Variants in SMARCA4 observed in about 807,000 individuals in gnomAD.
The protein encoded by SMARCA4 is SWI/SNF related BAF chromatin remodeling complex subunit ATPase 4.
SMARCA4 carries 31 observed loss-of-function variants against 193.9 expected under a neutral mutation model. The ratio of observed to expected loss-of-function variants is 0.16; its 90% CI spans 0.12 to 0.22. The LOEUF is 0.22. Among genes scored for constraint, SMARCA4 ranks in the 10% least tolerant of loss-of-function variants. The probability of loss-of-function intolerance (pLI) is 1.00; values close to 1 mark genes in which losing one functional copy is unlikely to be tolerated. For missense variants in SMARCA4, 1,148 were observed against 2,296.0 expected (o/e 0.50, Z 10.22); for synonymous variants, 942 against 933.1 (o/e 1.01, Z -0.17).
chr19:10,981,949 C>A (rs1017709558), intron 1 of SMARCA4, among the ~76,000 whole-genome samples: 2 of 152,094 alleles, frequency 1.3e-5, no homozygotes, highest in Non-Finnish European at 2.9e-5. Flanking sequence ...GATGGCTCCA[C>A]TGCACTCCAG....
At chr19:11,000,621 C>A (rs2087540678) in intron 11 of SMARCA4, among the ~76,000 whole-genome samples, 1 of 152,070 alleles carries the variant, frequency 6.6e-6, no homozygotes, top group Non-Finnish European at 1.5e-5. Flanking sequence ...TGGCTCACAT[C>A]TGTAATCCCA....
Position 11,036,505 on chromosome 19 carries a change from C to T in SMARCA4, c.4170+1373C>T, listed in dbSNP as rs374614952. 1.1e-4 allele frequency among the ~76,000 whole-genome samples: 16 copies of T among 152,258 alleles called. No homozygotes were observed. In the South Asian group the frequency reaches 1.7e-3, roughly 16 times the overall value. ...AACTCCTGGGCTCAAACAATCCACC[C>T]GCCTCGGCCTGCAGAGTAGCTGGGA... On this transcript the variant is annotated intron_variant, in intron 29 of 34. Transcript: ENST00000344626.
At position 10,987,537 on chromosome 19, in the gene SMARCA4, G is replaced by C. The variant is rs2086161992; in HGVS notation, c.860-129G>C. The C allele has an allele frequency of 9.6e-7, 1 of 1,042,888 alleles. No homozygotes were observed. The highest frequency in any genetic ancestry group is 1.5e-6 in the Non-Finnish European group (1 of 683,950). 64.6% of individuals were successfully genotyped at this position (1,042,888 alleles called of 1,614,324 possible). On this transcript the variant is annotated intron_variant, in intron 5 of 34. Transcript: ENST00000344626. This position sits in a 1 kb window ranked among gnomAD's most constrained non-coding sequence, Gnocchi z 5.3. ...AAGGCAGGTGTGAAGGACACCCCTG[G>C]GTGAAAGGTGGGAGATGGGCGGGGT...
At chr19:11,028,997 A>T (rs911839518) in intron 24 of SMARCA4, among the ~76,000 whole-genome samples, 1 of 152,000 alleles carries the variant, frequency 6.6e-6, no homozygotes, top group African/African-American at 2.4e-5. Context: ...TGCTGGGCCA[A>T]CCTGCCCAGG....
At chr19:11,015,732 C>T (rs975207029) in intron 16 of SMARCA4, among the ~76,000 whole-genome samples, 2 of 152,092 alleles carry the variant, frequency 1.3e-5, no homozygotes, top group African/African-American at 2.4e-5. Context: ...TTTAGCTGGG[C>T]GCGGTGGCTC....
intron 14 of SMARCA4, 52 bp downstream of exon 14, chr19:11,008,075 C>T (rs1430305131): frequency 6.3e-7 from 1 of 1,590,336 alleles, no homozygotes; most frequent in African/African-American, 1.3e-5. Context: ...TGAGGTGGCG[C>T]TGGTGGGAGT....
At position 11,053,867 on chromosome 19, in the gene SMARCA4, C is replaced by T. The variant is rs1210409558; in HGVS notation, c.4425-4388C>T. Among the ~76,000 whole-genome samples, 3 of 152,262 alleles carry T rather than the reference C, an allele frequency of 2.0e-5. No homozygotes were observed. In the East Asian group the frequency reaches 5.8e-4, roughly 29 times the overall value. ...TGGAGGCTTCAGTGAGCTAGGATGG[C>T]ACCACTGCACTCTAGCCTGGGCAAC... On this transcript the variant is annotated intron_variant, in intron 30 of 34. Transcript: ENST00000344626.
intron 29 of SMARCA4, chr19:11,040,474 C>T (rs1005247488): frequency 6.6e-6 from 1 of 151,452 alleles, no homozygotes; most frequent in Non-Finnish European, 1.5e-5. Context: ...CGCCTGTAAT[C>T]CCAGCTACTC....
intron 30 of SMARCA4, among the ~76,000 whole-genome samples, chr19:11,056,966 A>G (rs2076580721): frequency 6.6e-6 from 1 of 152,260 alleles, no homozygotes; most frequent in Non-Finnish European, 1.5e-5. Flanking sequence ...GGGGCCAGCC[A>G]GTGGCATGGG....
At chr19:11,025,855 G>A (rs1295981303) in intron 22 of SMARCA4, among the ~76,000 whole-genome samples, 3 of 152,154 alleles carry the variant, frequency 2.0e-5, no homozygotes, top group Non-Finnish European at 4.4e-5. Flanking sequence ...AGTCACCACC[G>A]TCTTCAGTGA....
At chr19:11,060,365 A>G (rs2076797257) in intron 34 of SMARCA4, 178 bp downstream of exon 34, 1 of 769,198 alleles carries the variant, frequency 1.3e-6, no homozygotes. Context: ...CAGGGCTGCC[A>G]CTCAAAGCCA....
intron 14 of SMARCA4, among the ~76,000 whole-genome samples, chr19:11,009,178 C>G (rs1268299755): frequency 6.6e-6 from 1 of 151,528 alleles, no homozygotes; most frequent in Admixed American, 6.6e-5. Flanking sequence ...CGGGCCACCA[C>G]GTCCAGCTAA....
rs529963526 is a variant in SMARCA4, at chr19:11,017,479, C to T, written c.2439-1478C>T. 7.2e-5 allele frequency among the ~76,000 whole-genome samples: 11 copies of T among 152,360 alleles called. No individual in the cohort carries two copies. In the South Asian group the frequency reaches 1.4e-3, roughly 20 times the overall value. On this transcript the variant is annotated intron_variant, in intron 16 of 34. Transcript: ENST00000344626. ...CTCCTGCAGGCCAGAAGAGGGCCCGCGCGCTAGGAAATGTTTACGGCGTAT... is the reference window on the plus strand; with the variant it reads ...CTCCTGCAGGCCAGAAGAGGGCCCGTGCGCTAGGAAATGTTTACGGCGTAT...
rs2145781120 is a variant in SMARCA4 at position 10,986,464 on chromosome 19, C to G, written c.631C>G (p.Pro211Ala). ...QMAVQGKRPM[P>A]GMQQQMPTLP... Reference sequence around the variant, plus strand: ...GGCGGTGCAGGGCAAGCGGCCGATGCCCGGGATGCAGCAGCAGATGCCAAC... The same window carrying G: ...GGCGGTGCAGGGCAAGCGGCCGATGGCCGGGATGCAGCAGCAGATGCCAAC... Residue 211 changes from proline to alanine, a missense_variant, in exon 4 of 35, where the codon CCC (proline) becomes GCC (alanine). Pro to Ala is a conservative substitution (Grantham distance 27). Transcript: ENST00000344626. The surrounding 1 kb of genome is among the most constrained non-coding windows in gnomAD (Gnocchi z 6.7). The G allele has an allele frequency of 2.6e-6, 4 of 1,556,890 alleles. No homozygotes were observed. The highest frequency in any genetic ancestry group is 1.4e-5 in the African/African-American group (1 of 73,546).
chr19:11,013,365 G>C (rs978535298), intron 16 of SMARCA4, among the ~76,000 whole-genome samples: 10 of 152,200 alleles, frequency 6.6e-5, no homozygotes, highest in Non-Finnish European at 1.5e-4. Flanking sequence ...GCGTGTCTGT[G>C]TCCTCATCTC....
rs1045648175 is a variant in SMARCA4 at position 11,045,437 on chromosome 19, G to A, written c.4424+3877G>A. Among the ~76,000 whole-genome samples the A allele has an allele frequency of 3.3e-5, 5 of 152,318 alleles. No homozygotes were observed. In the South Asian group the frequency reaches 8.3e-4, roughly 25 times the overall value. On this transcript the variant is annotated intron_variant, in intron 30 of 34. Transcript: ENST00000344626. Reference sequence around the variant, plus strand: ...AGAGGGAATAGCAGGAAAGCCACACGACGAGCCTTCTAGGATACTGGGGAT... The same window carrying A: ...AGAGGGAATAGCAGGAAAGCCACACAACGAGCCTTCTAGGATACTGGGGAT...
intron 1 of SMARCA4, among the ~76,000 whole-genome samples, chr19:10,973,994 AC>A (rs1489337868): frequency 6.6e-6 from 1 of 152,184 alleles, no homozygotes; most frequent in African/African-American, 2.4e-5. Context: ...CTCTGCCATA[AC>A]CTGACTCCCA....
chr19:11,041,257 TTGTC>T lies in SMARCA4; in HGVS notation c.4171-49_4171-46del. 1 of 1,567,424 alleles carries T rather than the reference TTGTC, an allele frequency of 6.4e-7. No individual in the cohort carries two copies. The highest frequency in any genetic ancestry group is 8.6e-7 in the Non-Finnish European group (1 of 1,156,584). On this transcript the variant is annotated intron_variant, in intron 29 of 34. Coordinates refer to ENST00000344626, the MANE Select transcript of SMARCA4 (RefSeq NM_003072.5). The surrounding 1 kb of genome is among the most constrained non-coding windows in gnomAD (Gnocchi z 5.6). ...CCTGGGATTGCGTCGCGGCCTCTGCTTGTCGACCTGGGTGCTGGCTGTCCTATTT... is the reference window on the plus strand; with the variant it reads ...CCTGGGATTGCGTCGCGGCCTCTGCTGACCTGGGTGCTGGCTGTCCTATTT...
At chr19:10,965,738 C>T (rs142816458) in intron 1 of SMARCA4, among the ~76,000 whole-genome samples, 172 of 151,888 alleles carry the variant, frequency 1.1e-3, no homozygotes, top group African/African-American at 3.8e-3. Context: ...AGTTGTGACC[C>T]GATAGTATTT....
Sources: gnomAD v4.1 joint callset for allele counts (sites outside exome capture counted in the v4.1 genomes callset) on GRCh38, gnomAD v4.1.1 for gene constraint, Gnocchi (gnomAD v3.1) non-coding constraint, MANE v1.5 for transcripts, NCBI Gene and HGNC (gene_info 2026-07-23, HGNC 2026-07-21) for gene names.